Variants in ZFYVE26 observed in about 807,000 individuals in gnomAD.
ZFYVE26 encodes zinc finger FYVE-type containing 26.
ZFYVE26 carries 181 observed loss-of-function variants against 276.5 expected under a neutral mutation model. That is an observed-to-expected ratio of 0.65 (90% confidence interval 0.58 to 0.74). The LOEUF (loss-of-function observed/expected upper bound fraction) is 0.74. ZFYVE26 is among the 30% of genes least tolerant of loss of function. The pLI is 0.00. For missense variants in ZFYVE26, 2,821 were observed against 3,097.9 expected (o/e 0.91, Z 2.12); for synonymous variants, 1,129 against 1,203.1 (o/e 0.94, Z 1.27).
intron 4 of ZFYVE26, 80 bp downstream of exon 4, chr14:67,809,120 T>C: frequency 2.4e-6 from 3 of 1,235,898 alleles, no homozygotes; most frequent in Admixed American, 3.4e-5. Context: ...CTTGGAGACC[T>C]CTCTCTTCTG....
At chr14:67,799,109 C>A in intron 10 of ZFYVE26, 2 of 1,320,768 alleles carry the variant, frequency 1.5e-6, no homozygotes, top group Non-Finnish European at 2.2e-6. Context: ...CACCCAAGAC[C>A]TAGACTAGGA....
chr14:67,762,218 C>A lies in ZFYVE26; in HGVS notation c.6354G>T (p.Arg2118Ser), dbSNP rs943216054. 6.2e-7 allele frequency: 1 copy of A among 1,614,198 alleles called. No individual in the cohort carries two copies. Among genetic ancestry groups the A allele is most frequent in the Non-Finnish European group, 8.5e-7 (1 of 1,180,030 alleles). Residue 2118 changes from arginine to serine, a missense_variant, in exon 34 of 42, where the codon AGG (arginine) becomes AGT (serine). Physicochemically the swap from Arg to Ser is moderately radical, Grantham distance 110 (BLOSUM62 -1). Coordinates refer to ENST00000347230, the MANE Select transcript of ZFYVE26 (RefSeq NM_015346.4). The stretch of plus-strand genomic sequence containing the variant: ...TTGCTCTTACCAAGGATACAAAGGG[C>A]CTCACTGTGGACTCTAGGTACTCAA... Reference protein sequence around the residue: ...DVVEYLESTVRPFVSLQDDDY... With the variant: ...DVVEYLESTVSPFVSLQDDDY...
intron 27 of ZFYVE26, 56 bp from the exon 28 acceptor site, chr14:67,772,266 A>G (rs1457659850): frequency 6.0e-5 from 93 of 1,560,864 alleles, no homozygotes; most frequent in Non-Finnish European, 7.4e-5. Context: ...CAGCTTATAG[A>G]TGAAGAGGGA....
At position 67,785,916 on chromosome 14, in the gene ZFYVE26, G is replaced by A; in HGVS notation, c.3246C>T (p.Thr1082=). The A allele has an allele frequency of 6.2e-7, 1 of 1,614,172 alleles. No individual in the cohort carries two copies. Among genetic ancestry groups the A allele is most frequent in the Non-Finnish European group, 8.5e-7 (1 of 1,180,032 alleles). The change falls in exon 18 of 42, where the codon ACC becomes ACT. Residue 1082 remains threonine (T), a synonymous_variant. Coordinates refer to ENST00000347230, the MANE Select transcript of ZFYVE26 (RefSeq NM_015346.4). ...GGACCTGATCTAGCTGCTGGGAGAG[G>A]GTGGTGTGGCTGGCAACACAGTCCT... ...LSEDCVASHT[T]LSQQLDQVLQ...
chr14:67,815,160 T>A (rs1276204728), intron 2 of ZFYVE26, among the ~76,000 whole-genome samples: 1 of 152,188 alleles, frequency 6.6e-6, no homozygotes, highest in Non-Finnish European at 1.5e-5. Flanking sequence ...AATCTATATA[T>A]GGATAAAACT....
rs190755654 is a variant in ZFYVE26 at position 67,753,603 on chromosome 14, A to T, written c.7188+104T>A. The T allele has an allele frequency of 2.4e-4, 308 of 1,265,406 alleles. No individual in the cohort carries two copies. The African/African-American group carries it at 4.0e-3, about 17-fold the overall frequency. 78.4% of individuals were successfully genotyped at this position (1,265,406 alleles called of 1,614,324 possible). On this transcript the variant is annotated intron_variant, in intron 39 of 41. Transcript: ENST00000347230. ...TGATTTCATCCCTAATGTGCATGTA[A>T]ATCCACTTTTCTTGGGATAAGAATT...
chr14:67,767,895 C>T, intron 30 of ZFYVE26, 55 bp from the exon 31 acceptor site: 1 of 1,613,460 alleles, frequency 6.2e-7, no homozygotes, highest in South Asian at 1.1e-5. Context: ...TTCAGTCTAA[C>T]CCAGTCCAGT....
chr14:67,799,692 C>A, intron 10 of ZFYVE26: 1 of 975,362 alleles, frequency 1.0e-6, no homozygotes, highest in Non-Finnish European at 1.6e-6. Context: ...AGGCAAAAGT[C>A]AACTCAACTC....
chr14:67,797,773 A>G lies in ZFYVE26; in HGVS notation c.2249-18T>C, dbSNP rs762924828. The G allele has an allele frequency of 2.5e-6, 4 of 1,613,542 alleles. No individual in the cohort carries two copies. The highest frequency in any genetic ancestry group is 1.7e-5 in the Admixed American group (1 of 59,972). ...TTGCTCCTCTGAAAGAGCAAACCCAATGGGACAGAAAGGAGAGTGATCAAC... is the reference window on the plus strand; with the variant it reads ...TTGCTCCTCTGAAAGAGCAAACCCAGTGGGACAGAAAGGAGAGTGATCAAC... On this transcript the variant is annotated intron_variant, in intron 11 of 41. Coordinates refer to ENST00000347230, the MANE Select transcript of ZFYVE26 (RefSeq NM_015346.4).
intron 2 of ZFYVE26, chr14:67,815,543 A>T: frequency 6.7e-6 from 4 of 596,360 alleles, no homozygotes; most frequent in Non-Finnish European, 1.2e-5. Context: ...TTTCAGGCAC[A>T]CTTTGGCAGC....
At chr14:67,738,550 G>T (rs980718742) in intron 13 of ZFYVE26, among the ~76,000 whole-genome samples, 2 of 151,584 alleles carry the variant, frequency 1.3e-5, no homozygotes, top group South Asian at 2.1e-4. Context: ...CTGAATTTCA[G>T]AATGATGTGT....
chr14:67,762,049 A>G, intron 34 of ZFYVE26, 154 bp downstream of exon 34: 2 of 726,950 alleles, frequency 2.8e-6, no homozygotes, highest in East Asian at 2.7e-5. Flanking sequence ...TTACTTATCT[A>G]ACTATATGTG....
At chr14:67,730,692 C>G (rs190664350) in intron 13 of ZFYVE26, among the ~76,000 whole-genome samples, 1 of 152,106 alleles carries the variant, frequency 6.6e-6, no homozygotes, top group Non-Finnish European at 1.5e-5. Flanking sequence ...CAACTTCAGC[C>G]TCCTGGGTTC....
At position 67,780,360 on chromosome 14, in the gene ZFYVE26, G is replaced by A; in HGVS notation, c.4570-15C>T. The A allele has an allele frequency of 6.2e-7, 1 of 1,608,306 alleles. No homozygotes were observed. On this transcript the variant is annotated splice_polypyrimidine_tract_variant and intron_variant, in intron 22 of 41. Transcript: ENST00000347230. ...AAACCCAGAATCTAAGGAAAGACAA[G>A]AAAATCCGTCAAACCACACTGCAGC...
In ZFYVE26 at chr14:67,781,370, A is replaced by G; in HGVS notation, c.4532T>C (p.Leu1511Pro). 6.2e-7 allele frequency: 1 copy of G among 1,614,174 alleles called. No homozygotes were observed. The highest frequency in any genetic ancestry group is 8.5e-7 in the Non-Finnish European group (1 of 1,180,034). The change falls in exon 22 of 42, where the codon CTA becomes CCA. Residue 1511 changes from leucine to proline, a missense_variant. Transcript: ENST00000347230. ...TAVQEGLKCELQRKLAELQVY... is the reference protein window; with the variant it reads ...TAVQEGLKCEPQRKLAELQVY... Reference sequence around the variant, plus strand: ...CTGCAGCTCCGCCAGCTTCCTCTGTAGCTCACACTTTAGTCCTTCTTGGAC... The same window carrying G: ...CTGCAGCTCCGCCAGCTTCCTCTGTGGCTCACACTTTAGTCCTTCTTGGAC...
chr14:67,791,259 CA>C (rs1452103519), intron 14 of ZFYVE26, among the ~76,000 whole-genome samples: 1 of 152,058 alleles, frequency 6.6e-6, no homozygotes, highest in African/African-American at 2.4e-5. Context: ...AAAAATAATT[CA>C]AAAGGCTTAA....
chr14:67,754,996 C>T, intron 37 of ZFYVE26, 55 bp downstream of exon 37: 1 of 1,595,486 alleles, frequency 6.3e-7, no homozygotes, highest in Non-Finnish European at 8.6e-7. Flanking sequence ...CACCTACAGA[C>T]AACTGCTCCC....
chr14:67,740,398 T>C (rs1199408009), intron 13 of ZFYVE26, among the ~76,000 whole-genome samples: 2 of 152,074 alleles, frequency 1.3e-5, no homozygotes, highest in African/African-American at 4.8e-5. Context: ...AATTATCTAT[T>C]ATAATTAAAA....
At chr14:67,797,849 G>A in intron 11 of ZFYVE26, 94 bp from the exon 12 acceptor site, 1 of 1,576,488 alleles carries the variant, frequency 6.3e-7, no homozygotes, top group South Asian at 1.1e-5. Context: ...TTTGCACTGG[G>A]CTCTGAGACA....
Sources: allele counts gnomAD v4.1 joint callset (sites outside exome capture counted in the v4.1 genomes callset), GRCh38; gene constraint gnomAD v4.1.1; transcripts MANE v1.5; gene names NCBI Gene and HGNC (gene_info 2026-07-23, HGNC 2026-07-21).